PCDHA6: variants seen among roughly 807,000 people sequenced by gnomAD.
PCDHA6 encodes the protein protocadherin alpha 6.
In PCDHA6, 55 loss-of-function variants were observed where a neutral mutation model predicts 60.3. That is an observed-to-expected ratio of 0.91 (90% CI 0.73 to 1.14). PCDHA6 has a LOEUF of 1.14. Among genes scored for constraint, PCDHA6 ranks in the 50% most tolerant of loss-of-function variants. The pLI, the probability that PCDHA6 is intolerant of heterozygous loss-of-function variation, is 0.00. For missense variants in PCDHA6, 1,327 were observed against 1,256.5 expected, an observed-to-expected ratio of 1.06 and a Z score of -0.85; for synonymous variants, 652 against 557.9, an observed-to-expected ratio of 1.17 and a Z score of -2.38.
At chr5:140,968,592 C>G (rs1554230905) in intron 1 of PCDHA6, 1 of 1,614,208 alleles carries the variant, frequency 6.2e-7, no homozygotes, top group African/African-American at 1.3e-5. Flanking sequence ...AAAGTCATAG[C>G]TATGGACTCA....
chr5:140,988,707 G>A (rs2097310016), intron 3 of PCDHA6, among the ~76,000 whole-genome samples: 1 of 152,106 alleles, frequency 6.6e-6, no homozygotes, highest in African/African-American at 2.4e-5. Context: ...TATTTTCTTG[G>A]ACCTCTCATT....
At chr5:140,944,413 C>T (rs892243235) in intron 1 of PCDHA6, among the ~76,000 whole-genome samples, 3 of 152,292 alleles carry the variant, frequency 2.0e-5, no homozygotes, top group African/African-American at 7.2e-5. Context: ...TCTCGAACTC[C>T]TGATCTGAAG....
At chr5:140,845,056 T>C (rs2150376144) in intron 1 of PCDHA6, among the ~76,000 whole-genome samples, 2 of 149,620 alleles carry the variant, frequency 1.3e-5, no homozygotes, top group South Asian at 2.1e-4. Context: ...CAACTGAAGG[T>C]AACCTCAAAG....
chr5:140,871,130 A>T, intron 1 of PCDHA6: 1 of 1,613,360 alleles, frequency 6.2e-7, no homozygotes, highest in Non-Finnish European at 8.5e-7. Context: ...CAGGCGCCAA[A>T]GGCCTCTTCC....
Position 140,841,535 on chromosome 5 carries a change from C to G in PCDHA6, c.2394+11050C>G, listed in dbSNP as rs146057065. ...GTTCCGGGTGGCGTCCAAAAGACAC[C>G]GGGACCTTCTGGAGGTAAGTCTGCA... On this transcript the variant is annotated intron_variant, in intron 1 of 3. Transcript: ENST00000529310. 2.9e-4 allele frequency: 467 copies of G among 1,613,646 alleles called. 2 individuals are homozygous for G. The highest frequency in any genetic ancestry group is 2.5e-4 in the Admixed American group (15 of 60,006).
Position 140,839,456 on chromosome 5 carries a change from C to G in PCDHA6, c.2394+8971C>G, listed in dbSNP as rs1456767329. Reference sequence around the variant, plus strand: ...CCAGACTGCAGTGCAGTGGCACAATCTGGGCTTACTGCAATCTCTGCCTCC... The same window carrying G: ...CCAGACTGCAGTGCAGTGGCACAATGTGGGCTTACTGCAATCTCTGCCTCC... On this transcript the variant is annotated intron_variant, in intron 1 of 3. Transcript: ENST00000529310. 1.3e-5 allele frequency among the ~76,000 whole-genome samples: 2 copies of G among 151,882 alleles called. 1 individual carries two copies. The highest frequency in any genetic ancestry group is 2.9e-5 in the Non-Finnish European group (2 of 67,974).
rs781938191 is a variant in PCDHA6 at position 140,871,499 on chromosome 5, GT to G, written c.2394+41018del. 14 of 1,584,318 alleles carry G rather than the reference GT, an allele frequency of 8.8e-6. No individual in the cohort carries two copies. In the East Asian group the frequency reaches 2.7e-4, roughly 31 times the overall value. On this transcript the variant is annotated intron_variant, in intron 1 of 3. Coordinates refer to ENST00000529310, the MANE Select transcript of PCDHA6 (RefSeq NM_018909.4). ...GGGTCAAATCACCCCGGACAGGTGAGTTTTCTACAGATTCCACCTATCAGGA... is the reference window on the plus strand; with the variant it reads ...GGGTCAAATCACCCCGGACAGGTGAGTTTCTACAGATTCCACCTATCAGGA...
At chr5:140,915,531 T>C (rs1258680816) in intron 1 of PCDHA6, among the ~76,000 whole-genome samples, 1 of 152,150 alleles carries the variant, frequency 6.6e-6, no homozygotes, top group Non-Finnish European at 1.5e-5. Context: ...AGGTACCATC[T>C]TGGAGGTCTT....
At chr5:140,936,773 C>T (rs916525557) in intron 1 of PCDHA6, among the ~76,000 whole-genome samples, 3 of 152,280 alleles carry the variant, frequency 2.0e-5, no homozygotes, top group African/African-American at 7.2e-5. Context: ...TGTAAGTTCT[C>T]TCACTTTGTT....
intron 1 of PCDHA6, chr5:140,857,563 C>A (rs782037850): frequency 1.3e-6 from 2 of 1,596,904 alleles, no homozygotes; most frequent in Non-Finnish European, 8.6e-7. Flanking sequence ...CGCTGTCGAG[C>A]TACGTGTCGG....
intron 1 of PCDHA6, among the ~76,000 whole-genome samples, chr5:140,914,220 C>T (rs1210445622): frequency 6.6e-6 from 1 of 152,212 alleles, no homozygotes; most frequent in South Asian, 2.1e-4. Flanking sequence ...TCTCTTTTAG[C>T]TCTAATACTA....
chr5:140,895,822 T>A (rs1353175200), intron 1 of PCDHA6, among the ~76,000 whole-genome samples: 1 of 152,084 alleles, frequency 6.6e-6, no homozygotes, highest in Non-Finnish European at 1.5e-5. Context: ...TTGTATTGTA[T>A]TTTTTTCAGA....
chr5:140,869,403 G>C, intron 1 of PCDHA6: 3 of 1,614,206 alleles, frequency 1.9e-6, no homozygotes, highest in Non-Finnish European at 2.5e-6. Flanking sequence ...GGCAGAGCGC[G>C]GAGTGCAGCA....
chr5:140,898,067 T>C (rs2066506598), intron 1 of PCDHA6, among the ~76,000 whole-genome samples: 1 of 152,122 alleles, frequency 6.6e-6, no homozygotes, highest in Admixed American at 6.5e-5. Context: ...TTGTTTGAGT[T>C]CATTGTAGAT....
chr5:140,922,647 A>G (rs568444047), intron 1 of PCDHA6, among the ~76,000 whole-genome samples: 35 of 152,262 alleles, frequency 2.3e-4, no homozygotes, highest in Non-Finnish European at 4.6e-4. Context: ...ATCAAACAGT[A>G]AATATGGCTA....
intron 1 of PCDHA6, among the ~76,000 whole-genome samples, chr5:140,918,366 T>G (rs1203283831): frequency 2.0e-5 from 3 of 152,180 alleles, no homozygotes; most frequent in African/African-American, 7.2e-5. Flanking sequence ...CTCTGCCTAT[T>G]TGGATGCCTT....
chr5:140,882,036 G>C, intron 1 of PCDHA6: 1 of 646,228 alleles, frequency 1.5e-6, no homozygotes. Context: ...AAAATATGAA[G>C]ACTGAGTCAT....
chr5:140,830,545 C>T (rs2150187655), intron 1 of PCDHA6, 60 bp downstream of exon 1: 5 of 1,153,740 alleles, frequency 4.3e-6, no homozygotes, highest in Non-Finnish European at 5.9e-6. Flanking sequence ...TTGTTTTCCT[C>T]ATATTTGTCT....
Position 140,853,770 on chromosome 5 carries a change from A to G in PCDHA6, c.2394+23285A>G. 3 of 988,146 alleles carry G rather than the reference A, an allele frequency of 3.0e-6. No homozygotes were observed. In the South Asian group the frequency reaches 1.4e-4, roughly 47 times the overall value. 61.2% of individuals were successfully genotyped at this position (988,146 alleles called of 1,614,324 possible). On this transcript the variant is annotated intron_variant, in intron 1 of 3. Coordinates refer to ENST00000529310, the MANE Select transcript of PCDHA6 (RefSeq NM_018909.4). ...CAAGGCTCCACCTCAGAAATTCTGA[A>G]ATGGGTAGTAAGAGCAAATTTTCAT...
Sources: allele counts gnomAD v4.1 joint callset (sites outside exome capture counted in the v4.1 genomes callset), GRCh38; gene constraint gnomAD v4.1.1; transcripts MANE v1.5; gene names NCBI Gene and HGNC (gene_info 2026-07-23, HGNC 2026-07-21).